Variants in CDKL5 observed in about 807,000 individuals in gnomAD.
CDKL5 encodes the protein cyclin dependent kinase like 5.
CDKL5 carries 8 observed loss-of-function variants against 61.7 expected under a neutral mutation model. That is an observed-to-expected ratio of 0.13 (90% CI 0.08 to 0.23). The LOEUF (loss-of-function observed/expected upper bound fraction) is 0.23. Among genes scored for constraint, CDKL5 ranks in the 10% least tolerant of loss-of-function variants. The pLI is 1.00. For synonymous variants in CDKL5, 275 were observed against 272.3 expected (o/e 1.01, Z -0.10); for missense variants, 440 against 734.5 (o/e 0.60, Z 4.63).
chrX:18,476,689 T>C (rs1009954850), intron 1 of CDKL5, among the ~76,000 whole-genome samples: 2 of 112,900 alleles, frequency 1.8e-5, no homozygotes, highest in Non-Finnish European at 3.7e-5. Flanking sequence ...AGCTCTCTTA[T>C]GCATTTATAT....
chrX:18,533,897 T>C (rs947093445), intron 3 of CDKL5, among the ~76,000 whole-genome samples: 2 of 111,980 alleles, frequency 1.8e-5, no homozygotes, highest in Middle Eastern at 9.2e-3. Context: ...TGTAGGTTCC[T>C]CAGTCTGATC....
rs779541909 is a variant in CDKL5 at position 18,626,044 on chromosome X, G to A, written c.2496+797G>A. On this transcript the variant is annotated intron_variant, in intron 17 of 17. Coordinates refer to ENST00000623535, the MANE Select transcript of CDKL5 (RefSeq NM_001323289.2). ...GTGATTTCTTGTGTCACAGATTTCT[G>A]TGATTGGGAGAGCGGACTACTGTTT... Among the ~76,000 whole-genome samples the A allele has an allele frequency of 4.6e-5, 5 of 108,075 alleles. No homozygotes were observed. The East Asian group carries it at 1.4e-3, about 31-fold the overall frequency. The allele number at this position is 108,075 out of a possible 115,157, so 93.9% of individuals were successfully genotyped here. A position where few individuals can be genotyped will look rare whatever the true frequency, so the allele number is the denominator to read the frequency against.
intron 1 of CDKL5, among the ~76,000 whole-genome samples, chrX:18,469,338 CAAAAAAAAAAA>C (rs34096001): frequency 1.3e-4 from 2 of 15,662 alleles, no homozygotes; most frequent in African/African-American, 2.8e-4. Context: ...GACTCTGTCT[CAAAAAAAAAAA>C]AAAAAAAAAA....
chrX:18,493,826 G>T (rs1458507467), intron 1 of CDKL5, among the ~76,000 whole-genome samples: 2 of 111,997 alleles, frequency 1.8e-5, no homozygotes, highest in South Asian at 3.7e-4. Context: ...TGTTAAAATT[G>T]ATCTTTATAT....
In CDKL5 at chrX:18,597,289, G is replaced by A. The variant is rs1273160617; in HGVS notation, c.826-1173G>A. Among the ~76,000 whole-genome samples, 2 of 110,168 alleles carry A rather than the reference G, an allele frequency of 1.8e-5. 1 individual carries two copies. Among genetic ancestry groups the A allele is most frequent in the African/African-American group, 6.6e-5 (2 of 30,212 alleles). ...TTATCCCTTCTTTGAATATTTCAAA[G>A]AGAAATATTCTCTTTGCCATTCTCT... On this transcript the variant is annotated intron_variant, in intron 10 of 17. Transcript: ENST00000623535.
chrX:18,564,964 A>G (rs1174672024), intron 4 of CDKL5, among the ~76,000 whole-genome samples: 1 of 111,954 alleles, frequency 8.9e-6, no homozygotes, highest in Non-Finnish European at 1.9e-5. Context: ...AGTCAGAGTT[A>G]GAAATACAAG....
intron 1 of CDKL5, among the ~76,000 whole-genome samples, chrX:18,482,334 G>A (rs1449346012): frequency 2.7e-5 from 3 of 111,934 alleles, no homozygotes; most frequent in Non-Finnish European, 5.6e-5. Context: ...ATTCTAAATA[G>A]TAATCTTCAT....
At chrX:18,447,658 G>A (rs1931910937) in intron 1 of CDKL5, among the ~76,000 whole-genome samples, 1 of 110,256 alleles carries the variant, frequency 9.1e-6, no homozygotes, top group Admixed American at 9.8e-5. Flanking sequence ...TCCTTCTCTT[G>A]TATTTCTTTC....
At chrX:18,479,380 C>T (rs1486442520) in intron 1 of CDKL5, among the ~76,000 whole-genome samples, 1 of 93,319 alleles carries the variant, frequency 1.1e-5, no homozygotes, top group African/African-American at 4.1e-5. Flanking sequence ...AGTGCAGTGG[C>T]ACGATCTCCG....
In CDKL5 at chrX:18,509,243, A is replaced by ACC. The variant is rs775606173; in HGVS notation, c.65-1576_65-1575insCC. Among the ~76,000 whole-genome samples the ACC allele has an allele frequency of 1.0e-3, 100 of 97,944 alleles. 1 individual carries two copies. In the East Asian group the frequency reaches 0.011, roughly 11 times the overall value. 85.1% of individuals were successfully genotyped at this position (97,944 alleles called of 115,157 possible). A position where few individuals can be genotyped will look rare whatever the true frequency, so the allele number is the denominator to read the frequency against. Reference sequence around the variant, plus strand: ...CACACACACACACACACACACACACACACCCCTGTCAAGCAAACTCTGCAT... The same window carrying ACC: ...CACACACACACACACACACACACACACCCACCCCTGTCAAGCAAACTCTGCAT... On this transcript the variant is annotated intron_variant, in intron 2 of 17. Transcript: ENST00000623535.
chrX:18,540,329 A>G (rs1923976207), intron 3 of CDKL5, among the ~76,000 whole-genome samples: 1 of 110,651 alleles, frequency 9.0e-6, no homozygotes, highest in Non-Finnish European at 1.9e-5. Context: ...GGTGTGCACC[A>G]CCACACCTGA....
intron 8 of CDKL5, among the ~76,000 whole-genome samples, chrX:18,585,788 GATA>G (rs766308355): frequency 8.9e-6 from 1 of 112,056 alleles, no homozygotes; most frequent in African/African-American, 3.2e-5. Context: ...TAGATATAGT[GATA>G]ATGATGACAA....
chrX:18,594,037 C>A (rs983232818), intron 9 of CDKL5, among the ~76,000 whole-genome samples: 41 of 112,400 alleles, frequency 3.6e-4, no homozygotes, highest in African/African-American at 1.3e-3. Context: ...TTGGGTCTTA[C>A]CTGTATTTTT....
chrX:18,580,474 C>A (rs1472028779), intron 6 of CDKL5, among the ~76,000 whole-genome samples: 1 of 111,618 alleles, frequency 9.0e-6, no homozygotes, highest in Non-Finnish European at 1.9e-5. Flanking sequence ...TCCTAATTTT[C>A]TCTACCCCTT....
chrX:18,595,460 G>A (rs1171487490), intron 10 of CDKL5, 32 bp downstream of exon 10: 2 of 965,023 alleles, frequency 2.1e-6, no homozygotes, highest in South Asian at 3.9e-5. Flanking sequence ...TCTATAAAAT[G>A]TCTTTTGGTT....
downstream of CDKL5, chrX:18,644,379 G>A: frequency 8.9e-7 from 1 of 1,119,319 alleles, no homozygotes; most frequent in Non-Finnish European, 1.2e-6. Context: ...GACAGGAGGG[G>A]AAGTCCCAGA....
At chrX:18,609,427 G>A in intron 13 of CDKL5, 38 bp from the exon 14 acceptor site, 1 of 1,211,220 alleles carries the variant, frequency 8.3e-7, no homozygotes, top group Non-Finnish European at 1.1e-6. Context: ...TGTCATCAAT[G>A]TGTGGCTTAA....
chrX:18,610,793 A>G (rs1007841114), intron 14 of CDKL5, among the ~76,000 whole-genome samples: 1 of 112,382 alleles, frequency 8.9e-6, no homozygotes, highest in Non-Finnish European at 1.9e-5. Flanking sequence ...GCAAGCCCAC[A>G]GGGCCAAGAG....
chrX:18,598,316 CTT>C (rs200255102), intron 10 of CDKL5, 144 bp from the exon 11 acceptor site: 83 of 375,868 alleles, frequency 2.2e-4, no homozygotes, highest in Non-Finnish European at 3.5e-4. Flanking sequence ...TTTAGATAGT[CTT>C]TTTTTTTTTA....
Sources: gnomAD v4.1 joint callset for allele counts (sites outside exome capture counted in the v4.1 genomes callset) on GRCh38, gnomAD v4.1.1 for gene constraint, MANE v1.5 for transcripts, NCBI Gene and HGNC (gene_info 2026-07-23, HGNC 2026-07-21) for gene names.